Variants in TXNDC16 observed in about 807,000 individuals in gnomAD.
TXNDC16 encodes thioredoxin domain-containing protein 16.
Under a neutral mutation model 85.6 loss-of-function variants are expected in TXNDC16, and 74 were observed. That is an observed-to-expected ratio of 0.86 (90% CI 0.72 to 1.05). The LOEUF is 1.05. Among genes scored for constraint, TXNDC16 ranks in the 50% least tolerant of loss-of-function variants. The pLI is 0.00. For missense variants in TXNDC16, 959 were observed against 947.0 expected (o/e 1.01, Z -0.17); for synonymous variants, 335 against 326.5 (o/e 1.03, Z -0.28).
rs980431878 is a variant in TXNDC16 at position 52,438,115 on chromosome 14, G to A, written c.2194+1089C>T. Among the ~76,000 whole-genome samples, 4 of 152,270 alleles carry A rather than the reference G, an allele frequency of 2.6e-5. No individual in the cohort carries two copies. The East Asian group carries it at 5.8e-4, about 22-fold the overall frequency. Reference sequence around the variant, plus strand: ...CTTCTCATGAATAAGCAAGGAAAGCGGTTTCTTGAGTTGGAAACTACTGGT... The same window carrying A: ...CTTCTCATGAATAAGCAAGGAAAGCAGTTTCTTGAGTTGGAAACTACTGGT... On this transcript the variant is annotated intron_variant, in intron 20 of 20. Coordinates refer to ENST00000281741, the MANE Select transcript of TXNDC16 (RefSeq NM_020784.3).
chr14:52,488,691 T>C (rs1044016156), intron 11 of TXNDC16, among the ~76,000 whole-genome samples: 1 of 151,602 alleles, frequency 6.6e-6, no homozygotes, highest in African/African-American at 2.4e-5. Flanking sequence ...AAAATTAGAC[T>C]GGCGTGGTGG....
chr14:52,518,841 A>C (rs921880732), intron 7 of TXNDC16, among the ~76,000 whole-genome samples: 3 of 152,022 alleles, frequency 2.0e-5, no homozygotes, highest in African/African-American at 7.2e-5. Context: ...ATTTATTTTA[A>C]TTATTCATTA....
intron 8 of TXNDC16, among the ~76,000 whole-genome samples, chr14:52,513,666 A>G (rs958850228): frequency 6.7e-5 from 10 of 149,120 alleles, no homozygotes; most frequent in African/African-American, 1.3e-4. Flanking sequence ...GTGTGTGTGT[A>G]TATACATATA....
chr14:52,500,813 C>CA (rs2036640662), intron 9 of TXNDC16, among the ~76,000 whole-genome samples: 1 of 151,978 alleles, frequency 6.6e-6, no homozygotes. Context: ...GATGAACAAA[C>CA]AAAAAATAAT....
chr14:52,548,162 A>C (rs2037977323), intron 1 of TXNDC16, among the ~76,000 whole-genome samples: 1 of 152,244 alleles, frequency 6.6e-6, no homozygotes, highest in Admixed American at 6.5e-5. Context: ...AGTGTAAACT[A>C]AACTATTATG....
chr14:52,535,161 C>T (rs918711688), intron 6 of TXNDC16, among the ~76,000 whole-genome samples: 1 of 152,092 alleles, frequency 6.6e-6, no homozygotes, highest in Admixed American at 6.5e-5. Flanking sequence ...AGGTATCCAC[C>T]GGAAAAACAG....
At chr14:52,490,743 T>A in intron 10 of TXNDC16, 96 bp downstream of exon 10, 3 of 1,329,122 alleles carry the variant, frequency 2.3e-6, no homozygotes, top group Non-Finnish European at 2.1e-6. Context: ...TATTAGAGAT[T>A]TGAGTTTACT....
chr14:52,544,362 T>G lies in TXNDC16; in HGVS notation c.-172A>C, dbSNP rs1454749641. The G allele has an allele frequency of 2.6e-5, 4 of 152,078 alleles. No homozygotes were observed. The highest frequency in any genetic ancestry group is 9.7e-5 in the African/African-American group (4 of 41,438). 9.4% of individuals were successfully genotyped at this position (152,078 alleles called of 1,614,324 possible). A position where few individuals can be genotyped will look rare whatever the true frequency, so the allele number is the denominator to read the frequency against. On this transcript the variant is annotated 5_prime_UTR_variant, in exon 2 of 21. Transcript: ENST00000281741. ...ACTTCAAGAAGTTTTCTACTGATGATCTATGTTATCTACATTTAAAAGAAG... is the reference window on the plus strand; with the variant it reads ...ACTTCAAGAAGTTTTCTACTGATGAGCTATGTTATCTACATTTAAAAGAAG...
chr14:52,540,629 A>C (rs1359632229), intron 4 of TXNDC16, among the ~76,000 whole-genome samples: 1 of 152,138 alleles, frequency 6.6e-6, no homozygotes, highest in African/African-American at 2.4e-5. Flanking sequence ...GGTCTCAAAA[A>C]AAAGAAGAAA....
At chr14:52,522,779 T>C (rs2037238169) in intron 6 of TXNDC16, among the ~76,000 whole-genome samples, 1 of 152,196 alleles carries the variant, frequency 6.6e-6, no homozygotes, top group African/African-American at 2.4e-5. Flanking sequence ...CCAAATCCTT[T>C]TCTGCTTAAG....
At chr14:52,539,256 G>C (rs1226450124) in intron 4 of TXNDC16, among the ~76,000 whole-genome samples, 2 of 152,172 alleles carry the variant, frequency 1.3e-5, no homozygotes, top group Non-Finnish European at 2.9e-5. Context: ...CTGAAAAAGT[G>C]ACATTTGCAC....
At chr14:52,487,444 T>C (rs1047162951) in intron 12 of TXNDC16, among the ~76,000 whole-genome samples, 1 of 152,228 alleles carries the variant, frequency 6.6e-6, no homozygotes, top group Admixed American at 6.5e-5. Context: ...ATTTACTATA[T>C]ATGTTATACA....
At chr14:52,453,110 T>G (rs1302248431) in intron 18 of TXNDC16, among the ~76,000 whole-genome samples, 2 of 152,132 alleles carry the variant, frequency 1.3e-5, no homozygotes, top group Admixed American at 6.5e-5. Flanking sequence ...ATCAGAGAAA[T>G]GCAAATCAAA....
intron 18 of TXNDC16, among the ~76,000 whole-genome samples, chr14:52,445,098 G>A (rs747843139): frequency 7.9e-5 from 12 of 151,974 alleles, no homozygotes; most frequent in Non-Finnish European, 1.6e-4. Flanking sequence ...CGTAAACTTG[G>A]GTAGAAAAGT....
chr14:52,443,461 G>A (rs1234476946), intron 18 of TXNDC16, among the ~76,000 whole-genome samples: 1 of 152,170 alleles, frequency 6.6e-6, no homozygotes, highest in Non-Finnish European at 1.5e-5. Flanking sequence ...CAGTAGGGGA[G>A]CTCATGGATG....
chr14:52,529,050 T>C (rs889467879), intron 6 of TXNDC16, among the ~76,000 whole-genome samples: 23 of 149,100 alleles, frequency 1.5e-4, no homozygotes, highest in Non-Finnish European at 2.8e-4. Context: ...ATAATACCTA[T>C]TATATAGCAA....
chr14:52,527,337 C>G (rs920274284), intron 6 of TXNDC16, among the ~76,000 whole-genome samples: 3 of 152,192 alleles, frequency 2.0e-5, no homozygotes, highest in Non-Finnish European at 4.4e-5. Context: ...GGACACCCCG[C>G]TGATGTCAGC....
At chr14:52,537,070 T>TCTCA (rs148646199) in intron 5 of TXNDC16, among the ~76,000 whole-genome samples, 3 of 147,242 alleles carry the variant, frequency 2.0e-5, no homozygotes, top group Non-Finnish European at 4.5e-5. Flanking sequence ...CAACTCACAA[T>TCTCA]CACACACACA....
intron 17 of TXNDC16, among the ~76,000 whole-genome samples, chr14:52,456,066 C>G (rs193022017): frequency 6.6e-6 from 1 of 152,174 alleles, no homozygotes; most frequent in African/African-American, 2.4e-5. Context: ...CTTTCGCTAA[C>G]TAAACCTAAA....
Sources: gnomAD v4.1 joint callset for allele counts (sites outside exome capture counted in the v4.1 genomes callset) on GRCh38, gnomAD v4.1.1 for gene constraint, MANE v1.5 for transcripts, NCBI Gene and HGNC (gene_info 2026-07-23, HGNC 2026-07-21) for gene names.